The following ADAMTSL2 variants were observed in gnomAD, a reference collection of about 807,000 sequenced individuals.
ADAMTSL2 encodes ADAMTS-like protein 2.
In ADAMTSL2, 55 loss-of-function variants were observed where a neutral mutation model predicts 117.0. The observed-to-expected ratio is 0.47, with a 90% CI of 0.38 to 0.59. ADAMTSL2 has a LOEUF of 0.59. Among genes scored for constraint, ADAMTSL2 ranks in the 20% least tolerant of loss-of-function variants. The probability of loss-of-function intolerance (pLI) is 0.00; values close to 1 mark genes in which losing one functional copy is unlikely to be tolerated. For synonymous variants in ADAMTSL2, 572 were observed against 566.4 expected (o/e 1.01, Z -0.14); for missense variants, 1,182 against 1,354.5 (o/e 0.87, Z 2.00).
chr9:133,569,609 C>A, intron 16 of ADAMTSL2, 31 bp downstream of exon 16: 1 of 1,551,436 alleles, frequency 6.4e-7, no homozygotes, highest in African/African-American at 1.4e-5. Context: ...GGAAGGGCCT[C>A]CTGGTATCTG....
At chr9:133,547,239 C>T (rs1161164867) in intron 9 of ADAMTSL2, 26 bp downstream of exon 9, 2 of 1,602,664 alleles carry the variant, frequency 1.2e-6, no homozygotes, top group South Asian at 1.1e-5. Context: ...GCCTTGGGGG[C>T]CCCAGGGGCC....
intron 12 of ADAMTSL2, among the ~76,000 whole-genome samples, chr9:133,565,095 C>A (rs886214387): frequency 2.6e-5 from 4 of 152,144 alleles, no homozygotes; most frequent in Non-Finnish European, 5.9e-5. Flanking sequence ...TCCAGGGCAC[C>A]GTGGTGAGGA....
At chr9:133,565,560 C>T (rs763368536) in intron 12 of ADAMTSL2, among the ~76,000 whole-genome samples, 7 of 152,198 alleles carry the variant, frequency 4.6e-5, no homozygotes, top group African/African-American at 1.2e-4. Flanking sequence ...AAAGGCTGCA[C>T]GGCCCAGCTC....
At chr9:133,543,035 G>A (rs964776521) in intron 7 of ADAMTSL2, among the ~76,000 whole-genome samples, 2 of 151,426 alleles carry the variant, frequency 1.3e-5, no homozygotes, top group Non-Finnish European at 2.9e-5. Context: ...TGCAACCTCC[G>A]CCTTCTGGGT....
At chr9:133,564,993 C>T (rs949012349) in intron 12 of ADAMTSL2, among the ~76,000 whole-genome samples, 199 of 152,172 alleles carry the variant, frequency 1.3e-3, no homozygotes, top group African/African-American at 3.9e-3. Context: ...GATTTTTCTT[C>T]GAAGACACTC....
chr9:133,573,707 C>T, intron 17 of ADAMTSL2, 136 bp from the exon 18 acceptor site: 2 of 1,044,914 alleles, frequency 1.9e-6, no homozygotes, highest in Non-Finnish European at 1.4e-6. Context: ...TTCCACGGGT[C>T]CTGTGTCAGT....
intron 11 of ADAMTSL2, among the ~76,000 whole-genome samples, chr9:133,560,888 A>G (rs945381879): frequency 6.6e-6 from 1 of 152,214 alleles, no homozygotes; most frequent in East Asian, 1.9e-4. Flanking sequence ...GAGCAACTAC[A>G]GTGCTGGGGG....
intron 8 of ADAMTSL2, 134 bp downstream of exon 8, chr9:133,544,684 C>A: frequency 1.2e-6 from 1 of 831,508 alleles, no homozygotes. Flanking sequence ...GGCATGGCTG[C>A]AGGAGCCAGA....
intron 2 of ADAMTSL2, among the ~76,000 whole-genome samples, chr9:133,537,134 T>C (rs1564491397): frequency 6.6e-6 from 1 of 152,084 alleles, no homozygotes. Context: ...GTGAGGACAG[T>C]TAGATGCGGC....
Position 133,566,992 on chromosome 9 carries a change from A to C in ADAMTSL2, c.1804A>C (p.Ser602Arg). Residue 602 changes from serine (S) to arginine (R), a missense_variant, in exon 13 of 19, where the codon AGC (serine) becomes CGC (arginine). Around this residue, in one of 3 missense-constraint regions of ADAMTSL2, gnomAD observed 465 missense variants for 565.3 expected, o/e 0.82. Coordinates refer to ENST00000651351, the MANE Select transcript of ADAMTSL2 (RefSeq NM_014694.4). ...CTATGATGGCGTCGAGGTGGATGAC[A>C]GCTACTGTGACGCCCTGACCCGTCC... ...VRYDGVEVDDSYCDALTRPEP... is the reference protein window; with the variant it reads ...VRYDGVEVDDRYCDALTRPEP... The C allele has an allele frequency of 1.2e-6, 2 of 1,611,654 alleles. No homozygotes were observed. The highest frequency in any genetic ancestry group is 2.2e-5 in the South Asian group (2 of 90,502).
At chr9:133,539,739 T>TC in intron 4 of ADAMTSL2, 32 bp from the exon 5 acceptor site, 2 of 1,349,016 alleles carry the variant, frequency 1.5e-6, no homozygotes, top group Non-Finnish European at 1.9e-6. Flanking sequence ...GCCGAGTTCC[T>TC]CCCGGAGCCT....
intron 1 of ADAMTSL2, among the ~76,000 whole-genome samples, chr9:133,535,983 T>G (rs1288838646): frequency 6.6e-6 from 1 of 152,190 alleles, no homozygotes. Flanking sequence ...CCTGGACTGC[T>G]GACATGCTGG....
rs2131118365 is a variant in ADAMTSL2, at chr9:133,547,031, C to T, written c.764-7C>T. ...GCCTTTTGTGACCGGCGGCTTTGCC[C>T]TTCCAGCTCTTGCAGACGAAGCTGG... is the stretch of plus-strand genomic sequence containing the variant. On this transcript the variant is annotated splice_polypyrimidine_tract_variant and splice_region_variant and intron_variant, in intron 8 of 18. Transcript: ENST00000651351. 8 of 1,613,668 alleles carry T rather than the reference C, an allele frequency of 5.0e-6. No homozygotes were observed. The highest frequency in any genetic ancestry group is 6.8e-6 in the Non-Finnish European group (8 of 1,179,704).
At chr9:133,561,418 G>A (rs1830725451) in intron 12 of ADAMTSL2, 123 bp downstream of exon 12, 6 of 855,758 alleles carry the variant, frequency 7.0e-6, no homozygotes, top group African/African-American at 5.0e-5. Flanking sequence ...GTGCTTGTCC[G>A]TGGCCTCCTG....
intron 8 of ADAMTSL2, 118 bp from the exon 9 acceptor site, chr9:133,546,920 G>A (rs1277778993): frequency 7.5e-6 from 8 of 1,061,180 alleles, no homozygotes; most frequent in East Asian, 2.4e-5. Flanking sequence ...TTCCTGTCTC[G>A]GGAGCATTTG....
chr9:133,547,742 T>C (rs1830386538), intron 9 of ADAMTSL2, among the ~76,000 whole-genome samples: 1 of 152,160 alleles, frequency 6.6e-6, no homozygotes, highest in South Asian at 2.1e-4. Context: ...GGCACTATGG[T>C]GCTCGGTCCT....
At chr9:133,555,169 G>A (rs1830576973) in intron 10 of ADAMTSL2, among the ~76,000 whole-genome samples, 1 of 152,036 alleles carries the variant, frequency 6.6e-6, no homozygotes, top group Non-Finnish European at 1.5e-5. Flanking sequence ...CTCTGTGCCG[G>A]TGTCTCTGTC....
intron 12 of ADAMTSL2, among the ~76,000 whole-genome samples, chr9:133,563,810 AG>A (rs1830805680): frequency 7.3e-6 from 1 of 137,166 alleles, no homozygotes. Context: ...AGAGAGAGAG[AG>A]AAAGGGGGAG....
chr9:133,573,701 A>C, intron 17 of ADAMTSL2, 142 bp from the exon 18 acceptor site: 1 of 990,284 alleles, frequency 1.0e-6, no homozygotes, highest in Non-Finnish European at 1.5e-6. Context: ...ATGGGCTTCC[A>C]CGGGTCCTGT....
Sources: gnomAD v4.1 joint callset for allele counts (sites outside exome capture counted in the v4.1 genomes callset) on GRCh38, gnomAD v4.1.1 for gene constraint, gnomAD v4.1.1 regional missense constraint, MANE v1.5 for transcripts, NCBI Gene and HGNC (gene_info 2026-07-23, HGNC 2026-07-21) for gene names.